ZNF383: variants seen among roughly 807,000 people sequenced by gnomAD.
The protein encoded by ZNF383 is zinc finger protein 383.
Under a neutral mutation model 44.2 loss-of-function variants are expected in ZNF383, and 32 were observed. That is an observed-to-expected ratio of 0.72 (90% CI 0.55 to 0.97). The LOEUF is 0.97. ZNF383 is among the 50% of genes least tolerant of loss of function. ZNF383 has a pLI of 0.00. For missense variants in ZNF383, 487 were observed against 562.5 expected (o/e 0.87, Z 1.36); for synonymous variants, 155 against 186.2 (o/e 0.83, Z 1.36).
rs543651944 is a variant in ZNF383 at position 37,232,953 on chromosome 19, C to T, written c.9+2491C>T. Among the ~76,000 whole-genome samples the T allele has an allele frequency of 7.2e-5, 11 of 151,856 alleles. No homozygotes were observed. In the East Asian group the frequency reaches 2.1e-3, roughly 29 times the overall value. On this transcript the variant is annotated intron_variant, in intron 3 of 5. Coordinates refer to ENST00000684119, the MANE Select transcript of ZNF383 (RefSeq NM_001387601.1). ...TTTTATAATGCTATTGTATTATATT[C>T]TCTTATTTTTTTTTTAATCCTCTTG...
intron 1 of ZNF383, chr19:37,219,804 A>G (rs1020017234): frequency 2.6e-5 from 4 of 152,248 alleles, no homozygotes; most frequent in African/African-American, 9.6e-5. Context: ...GTTAACATAG[A>G]GTCAACAAGT....
rs150598767 is a variant in ZNF383, at chr19:37,243,458, C to T, written c.1222C>T (p.Gln408Ter). 1.2e-6 allele frequency: 2 copies of T among 1,613,904 alleles called. No homozygotes were observed. Among genetic ancestry groups the T allele is most frequent in the East Asian group, 2.2e-5 (1 of 44,868 alleles). ...ECGKAFTQNSQLFQHQRIHTD... is the reference protein window; with the variant it reads ...ECGKAFTQNS ...TGGGAAGGCCTTTACTCAGAACTCA[C>T]AACTTTTCCAGCATCAGAGAATTCA... is the stretch of plus-strand genomic sequence containing the variant. Residue 408 changes from glutamine to a stop codon, truncating the protein, a stop_gained, in exon 6 of 6, where the codon CAA becomes TAA. Coordinates refer to ENST00000684119, the MANE Select transcript of ZNF383 (RefSeq NM_001387601.1). LOFTEE classifies it high-confidence loss of function.
intron 2 of ZNF383, among the ~76,000 whole-genome samples, chr19:37,225,556 A>G (rs535980275): frequency 6.6e-6 from 1 of 152,094 alleles, no homozygotes; most frequent in Non-Finnish European, 1.5e-5. Flanking sequence ...TTCTGTTTCT[A>G]TGAGTTTGAC....
intron 5 of ZNF383, among the ~76,000 whole-genome samples, chr19:37,240,868 G>GA (rs1366110204): frequency 1.3e-5 from 2 of 152,128 alleles, no homozygotes; most frequent in African/African-American, 4.8e-5. Flanking sequence ...GTGCAGTGGT[G>GA]CGATCTCAGC....
intron 3 of ZNF383, among the ~76,000 whole-genome samples, chr19:37,235,263 A>T (rs1420014725): frequency 6.7e-6 from 1 of 149,772 alleles, no homozygotes; most frequent in African/African-American, 2.5e-5. Flanking sequence ...ACAAAAGCGA[A>T]TTTCTGTCTC....
At position 37,235,975 on chromosome 19, in the gene ZNF383, G is replaced by A. The variant is rs768060439; in HGVS notation, c.137-4G>A. 3 of 1,609,732 alleles carry A rather than the reference G, an allele frequency of 1.9e-6. No individual in the cohort carries two copies. The highest frequency in any genetic ancestry group is 2.5e-6 in the Non-Finnish European group (3 of 1,178,110). ...CCATGTTCCATATCTTTTCTCGTGA[G>A]CAGGACTTTACACTCCTAAGCCTCA... On this transcript the variant is annotated splice_region_variant and splice_polypyrimidine_tract_variant and intron_variant, in intron 4 of 5. Coordinates refer to ENST00000684119, the MANE Select transcript of ZNF383 (RefSeq NM_001387601.1).
In ZNF383 at chr19:37,244,036, A is replaced by G. The variant is rs186042367; in HGVS notation, c.*372A>G. 509 of 160,022 alleles carry G rather than the reference A, an allele frequency of 3.2e-3. 2 individuals carry two copies. The highest frequency in any genetic ancestry group is 9.7e-3 in the South Asian group (48 of 4,934). 9.9% of individuals were successfully genotyped at this position (160,022 alleles called of 1,614,324 possible). Reference sequence around the variant, plus strand: ...ATTTTTAAATTCCTTGTGGAGGTTTAACTTTGTTTTTGAAGTTAGTGTTAG... The same window carrying G: ...ATTTTTAAATTCCTTGTGGAGGTTTGACTTTGTTTTTGAAGTTAGTGTTAG... On this transcript the variant is annotated 3_prime_UTR_variant, in exon 6 of 6. Coordinates refer to ENST00000684119, the MANE Select transcript of ZNF383 (RefSeq NM_001387601.1).
At chr19:37,237,714 T>C (rs2145526113) in intron 5 of ZNF383, among the ~76,000 whole-genome samples, 1 of 152,270 alleles carries the variant, frequency 6.6e-6, no homozygotes, top group Middle Eastern at 3.4e-3. Context: ...GATGAGGGCC[T>C]TCTTGCATCT....
intron 5 of ZNF383, among the ~76,000 whole-genome samples, chr19:37,238,318 A>G (rs1223465770): frequency 7.0e-6 from 1 of 143,666 alleles, no homozygotes; most frequent in Non-Finnish European, 1.5e-5. Context: ...TTTTAGAATT[A>G]TATATCACTT....
At position 37,236,014 on chromosome 19, in the gene ZNF383, T is replaced by C. The variant is rs751711529; in HGVS notation, c.172T>C (p.Leu58=). 2 of 1,613,796 alleles carry C rather than the reference T, an allele frequency of 1.2e-6. No homozygotes were observed. Among genetic ancestry groups the C allele is most frequent in the Admixed American group, 1.7e-5 (1 of 59,970 alleles). ...YTPKPQVISL[L]EQGKEPWMVG... ...TCCTAAGCCTCAAGTGATCTCCTTA[T>C]TGGAACAAGGGAAAGAGCCCTGGAT... The change falls in exon 5 of 6, where the codon TTG becomes CTG. Residue 58 remains leucine, a synonymous_variant. Coordinates refer to ENST00000684119, the MANE Select transcript of ZNF383 (RefSeq NM_001387601.1).
chr19:37,232,276 T>C (rs997653576), intron 3 of ZNF383, among the ~76,000 whole-genome samples: 1 of 152,066 alleles, frequency 6.6e-6, no homozygotes, highest in African/African-American at 2.4e-5. Flanking sequence ...GGTTTCATCA[T>C]GTTGGCCAGA....
Position 37,243,624 on chromosome 19 carries a change from C to T in ZNF383, c.1388C>T (p.Ser463Leu), listed in dbSNP as rs546518869. Residue 463 changes from serine (S) to leucine (L), a missense_variant, in exon 6 of 6, where the codon TCG becomes TTG. Physicochemically the swap from Ser to Leu is moderately radical, Grantham distance 145. Transcript: ENST00000684119. ...KECGKAFSSGSDLIRHQGIHT... is the reference protein window; with the variant it reads ...KECGKAFSSGLDLIRHQGIHT... ...TGTGGGAAGGCTTTTAGTAGTGGCTCGGATCTCATTCGTCATCAGGGAATT... is the reference window on the plus strand; with the variant it reads ...TGTGGGAAGGCTTTTAGTAGTGGCTTGGATCTCATTCGTCATCAGGGAATT... The T allele has an allele frequency of 1.6e-5, 25 of 1,579,896 alleles. No individual in the cohort carries two copies. The highest frequency in any genetic ancestry group is 1.7e-4 in the Middle Eastern group (1 of 5,890).
intron 2 of ZNF383, among the ~76,000 whole-genome samples, chr19:37,229,786 GTATA>G (rs386365554): frequency 1.1e-5 from 1 of 91,168 alleles, no homozygotes; most frequent in African/African-American, 4.1e-5. Context: ...ATATGTGTGT[GTATA>G]TATATATATA....
Position 37,245,778 on chromosome 19 carries a change from T to A in ZNF383, c.*2114T>A, listed in dbSNP as rs1453154204. 6.6e-6 allele frequency: 1 copy of A among 151,528 alleles called. No homozygotes were observed. Among genetic ancestry groups the A allele is most frequent in the African/African-American group, 2.4e-5 (1 of 41,120 alleles). The allele number at this position is 151,528 out of a possible 1,614,324, so 9.4% of individuals were successfully genotyped here. On this transcript the variant is annotated 3_prime_UTR_variant, in exon 6 of 6. Coordinates refer to ENST00000684119, the MANE Select transcript of ZNF383 (RefSeq NM_001387601.1). Reference sequence around the variant, plus strand: ...GTGAGCCACTGTGCCCGGTCAATTATTTTTTCTTATAGCTATTAGTGGTGT... The same window carrying A: ...GTGAGCCACTGTGCCCGGTCAATTAATTTTTCTTATAGCTATTAGTGGTGT...
chr19:37,241,935 T>C (rs1008381783), intron 5 of ZNF383, among the ~76,000 whole-genome samples: 8 of 146,964 alleles, frequency 5.4e-5, no homozygotes, highest in Non-Finnish European at 8.9e-5. Flanking sequence ...TAGATATATG[T>C]ATATCATATA....
intron 1 of ZNF383, among the ~76,000 whole-genome samples, chr19:37,223,042 C>T (rs1030725485): frequency 6.6e-6 from 1 of 152,100 alleles, no homozygotes; most frequent in Non-Finnish European, 1.5e-5. Flanking sequence ...AATTTATATG[C>T]CTTCATAAAA....
chr19:37,219,209 C>A (rs1219532579), intron 1 of ZNF383: 1 of 152,356 alleles, frequency 6.6e-6, no homozygotes, highest in East Asian at 1.9e-4. Context: ...AGAGACCTCA[C>A]CCCTCTGATA....
chr19:37,248,244 T>A lies in ZNF383; in HGVS notation c.*4580T>A. ...ATTTTTATAGGTGAAATCTATGAAA[T>A]GTCTTAGGAAACTCTTCTAGGACAT... On this transcript the variant is annotated 3_prime_UTR_variant, in exon 6 of 6. Coordinates refer to ENST00000684119, the MANE Select transcript of ZNF383 (RefSeq NM_001387601.1). 6.6e-6 allele frequency: 1 copy of A among 152,224 alleles called. No individual in the cohort carries two copies. The highest frequency in any genetic ancestry group is 1.9e-4 in the East Asian group (1 of 5,204). The allele number at this position is 152,224 out of a possible 1,614,324, so 9.4% of individuals were successfully genotyped here.
chr19:37,236,684 C>T (rs1973814833), intron 5 of ZNF383, among the ~76,000 whole-genome samples: 1 of 151,976 alleles, frequency 6.6e-6, no homozygotes, highest in African/African-American at 2.4e-5. Context: ...ATTCTTCTGC[C>T]TCAGCCTCCT....
Sources: gnomAD v4.1 joint callset for allele counts (sites outside exome capture counted in the v4.1 genomes callset) on GRCh38, gnomAD v4.1.1 for gene constraint, MANE v1.5 for transcripts, NCBI Gene and HGNC (gene_info 2026-07-23, HGNC 2026-07-21) for gene names.